The following RAB23 variants were observed in gnomAD, a reference collection of about 807,000 sequenced individuals.
RAB23 encodes the protein RAB23, member RAS oncogene family, also known as ras-related protein Rab-23.
RAB23 carries 15 observed loss-of-function variants against 30.0 expected under a neutral mutation model. That is an observed-to-expected ratio of 0.50 (90% CI 0.33 to 0.77). The LOEUF is 0.77. Ranked by LOEUF, RAB23 falls within the 30% of genes least tolerant of loss-of-function variation. The pLI is 0.02. For synonymous variants in RAB23, 93 were observed against 94.0 expected, an observed-to-expected ratio of 0.99 and a Z score of 0.06; for missense variants, 243 against 275.4, an observed-to-expected ratio of 0.88 and a Z score of 0.83.
At chr6:57,201,589 G>A (rs763525173) in intron 3 of RAB23, among the ~76,000 whole-genome samples, 2 of 152,120 alleles carry the variant, frequency 1.3e-5, no homozygotes, top group Non-Finnish European at 2.9e-5. Context: ...GTATAAAAAC[G>A]TTCAGGTTTA....
Position 57,210,257 on chromosome 6 carries a change from T to C in RAB23, c.124A>G (p.Ile42Val). The C allele has an allele frequency of 6.2e-7, 1 of 1,614,054 alleles. No individual in the cohort carries two copies. Among genetic ancestry groups the C allele is most frequent in the Non-Finnish European group, 8.5e-7 (1 of 1,179,918 alleles). ...TGTCGCTCCAAAAAATCAACTCCAATGGTTTTCTTGTAGTCTTTTGTAAAA... is the reference window on the plus strand; with the variant it reads ...TGTCGCTCCAAAAAATCAACTCCAACGGTTTTCTTGTAGTCTTTTGTAAAA... ...GIFTKDYKKT[I>V]GVDFLERQIQ... The change falls in exon 2 of 7, where the codon ATT (isoleucine) becomes GTT (valine). Residue 42 changes from isoleucine (I) to valine (V), a missense_variant. Physicochemically the swap from Ile to Val is conservative, Grantham distance 29 (BLOSUM62 3). Coordinates refer to ENST00000468148, the MANE Select transcript of RAB23 (RefSeq NM_016277.5).
At chr6:57,211,341 T>C (rs989723263) in intron 1 of RAB23, among the ~76,000 whole-genome samples, 32 of 152,056 alleles carry the variant, frequency 2.1e-4, no homozygotes, top group Non-Finnish European at 7.4e-5. Context: ...ATGCCTGTCG[T>C]CCCAGCTACA....
At chr6:57,203,012 T>G (rs1562654679) in intron 3 of RAB23, among the ~76,000 whole-genome samples, 3 of 141,814 alleles carry the variant, frequency 2.1e-5, no homozygotes, top group Non-Finnish European at 4.6e-5. Context: ...TTTTTTTTTT[T>G]TTTTTTTTTT....
intron 3 of RAB23, among the ~76,000 whole-genome samples, chr6:57,206,387 A>G (rs1765457872): frequency 6.6e-6 from 1 of 152,190 alleles, no homozygotes; most frequent in Non-Finnish European, 1.5e-5. Flanking sequence ...GTAGGAGACT[A>G]TAGAGGTTTA....
chr6:57,221,889 T>A lies in RAB23; in HGVS notation c.-229A>T, dbSNP rs574660514. On this transcript the variant is annotated 5_prime_UTR_variant, in exon 1 of 7. Transcript: ENST00000468148. ...CCCTGCCCTCGATACCCCTGCCCACTCCGGAGAGTAAGGCACAACCCGGGA... is the reference window on the plus strand; with the variant it reads ...CCCTGCCCTCGATACCCCTGCCCACACCGGAGAGTAAGGCACAACCCGGGA... 6.6e-6 allele frequency: 1 copy of A among 152,486 alleles called. No individual in the cohort carries two copies. Among genetic ancestry groups the A allele is most frequent in the East Asian group, 1.9e-4 (1 of 5,164 alleles). 9.4% of individuals were successfully genotyped at this position (152,486 alleles called of 1,614,324 possible). A position where few individuals can be genotyped will look rare whatever the true frequency, so the allele number is the denominator to read the frequency against.
chr6:57,192,751 G>T (rs1415083408), intron 6 of RAB23, among the ~76,000 whole-genome samples: 1 of 152,160 alleles, frequency 6.6e-6, no homozygotes, highest in Admixed American at 6.5e-5. Flanking sequence ...GAGTATGGAG[G>T]ATGTGTCTTC....
chr6:57,222,128 C>G lies in RAB23; in HGVS notation c.-468G>C, dbSNP rs1293914708. The stretch of plus-strand genomic sequence containing the variant: ...CCTCCCGACGCGCCAGCTCTCCCTG[C>G]GGGGCCGAGCGGCTAGTTCGCACCC... On this transcript the variant is annotated 5_prime_UTR_variant, in exon 1 of 7. Transcript: ENST00000468148. The G allele has an allele frequency of 6.6e-6, 1 of 152,234 alleles. No individual in the cohort carries two copies. The highest frequency in any genetic ancestry group is 1.5e-5 in the Non-Finnish European group (1 of 68,066). The allele number at this position is 152,234 out of a possible 1,614,324, so 9.4% of individuals were successfully genotyped here. A position where few individuals can be genotyped will look rare whatever the true frequency, so the allele number is the denominator to read the frequency against.
intron 3 of RAB23, among the ~76,000 whole-genome samples, chr6:57,197,343 A>G (rs926754058): frequency 6.6e-6 from 1 of 152,208 alleles, no homozygotes; most frequent in Non-Finnish European, 1.5e-5. Flanking sequence ...TTTTAGGCTG[A>G]TAATATCAAA....
At chr6:57,211,561 C>G (rs1765653998) in intron 1 of RAB23, among the ~76,000 whole-genome samples, 1 of 152,162 alleles carries the variant, frequency 6.6e-6, no homozygotes, top group South Asian at 2.1e-4. Context: ...TTTTCAACCT[C>G]ACAGGTAATA....
chr6:57,197,879 A>G (rs1409023007), intron 3 of RAB23, among the ~76,000 whole-genome samples: 4 of 152,092 alleles, frequency 2.6e-5, no homozygotes, highest in African/African-American at 9.7e-5. Context: ...ACTGGGACTT[A>G]CAGGAGGAGC....
Position 57,190,527 on chromosome 6 carries a change from A to G in RAB23, c.648T>C (p.Asn216=). ...TGGTCCTTTGTTTGTTGGGTCTAAG[A>G]TTGATGACATCTCCACCATTGAGGG... is the stretch of plus-strand genomic sequence containing the variant. ...SGTLNGGDVI[N]LRPNKQRTKK... Residue 216 remains asparagine, a synonymous_variant, in exon 7 of 7, where the codon AAT becomes AAC. Coordinates refer to ENST00000468148, the MANE Select transcript of RAB23 (RefSeq NM_016277.5). 6.2e-7 allele frequency: 1 copy of G among 1,614,052 alleles called. No homozygotes were observed. Among genetic ancestry groups the G allele is most frequent in the Non-Finnish European group, 8.5e-7 (1 of 1,179,880 alleles).
chr6:57,201,084 CTCTTT>C (rs1765236966), intron 3 of RAB23, among the ~76,000 whole-genome samples: 2 of 136,902 alleles, frequency 1.5e-5, no homozygotes, highest in Non-Finnish European at 1.5e-5. Context: ...TTTTCTCTCT[CTCTTT>C]TTTTTTTTTT....
At chr6:57,203,786 A>G (rs1368036488) in intron 3 of RAB23, among the ~76,000 whole-genome samples, 2 of 152,212 alleles carry the variant, frequency 1.3e-5, no homozygotes, top group African/African-American at 4.8e-5. Context: ...TAGTAAAAAC[A>G]TAATTCTCAA....
intron 6 of RAB23, among the ~76,000 whole-genome samples, chr6:57,192,613 G>A (rs1290243250): frequency 6.6e-6 from 1 of 152,126 alleles, no homozygotes; most frequent in Non-Finnish European, 1.5e-5. Context: ...ATGGAGGCTG[G>A]GCAGTGGCTC....
intron 1 of RAB23, among the ~76,000 whole-genome samples, chr6:57,216,091 CA>C (rs889462240): frequency 8.5e-5 from 13 of 152,274 alleles, no homozygotes; most frequent in African/African-American, 3.1e-4. Flanking sequence ...TTTAGATACA[CA>C]AATATTTACC....
rs1449685763 is a variant in RAB23, at chr6:57,188,118, T to C, written c.*2343A>G. 6.6e-6 allele frequency: 1 copy of C among 152,196 alleles called. No individual in the cohort carries two copies. The highest frequency in any genetic ancestry group is 1.5e-5 in the Non-Finnish European group (1 of 68,004). The allele number at this position is 152,196 out of a possible 1,614,324, so 9.4% of individuals were successfully genotyped here. ...ACAAATGCACAATCACCTGGAATCT[T>C]GGAAAAGTTTTTCTTTAGTATACAT... On this transcript the variant is annotated 3_prime_UTR_variant, in exon 7 of 7. Coordinates refer to ENST00000468148, the MANE Select transcript of RAB23 (RefSeq NM_016277.5).
intron 1 of RAB23, among the ~76,000 whole-genome samples, chr6:57,219,297 T>C (rs1376293500): frequency 3.3e-5 from 5 of 152,226 alleles, no homozygotes; most frequent in African/African-American, 4.8e-5. Flanking sequence ...ACAATCTGTA[T>C]GCTGAAAACT....
chr6:57,197,134 T>A (rs572155697), intron 3 of RAB23, among the ~76,000 whole-genome samples: 3 of 152,198 alleles, frequency 2.0e-5, no homozygotes, highest in African/African-American at 7.2e-5. Context: ...GTTCATTCTA[T>A]TCACTTTTTA....
At chr6:57,194,890 G>T in intron 4 of RAB23, 38 bp from the exon 5 acceptor site, 2 of 1,476,590 alleles carry the variant, frequency 1.4e-6, no homozygotes, top group Non-Finnish European at 1.9e-6. Context: ...TTACAAAGGT[G>T]CCTTCTGATA....
Sources: allele counts gnomAD v4.1 joint callset (sites outside exome capture counted in the v4.1 genomes callset), GRCh38; gene constraint gnomAD v4.1.1; transcripts MANE v1.5; gene names NCBI Gene and HGNC (gene_info 2026-07-23, HGNC 2026-07-21).